SPA17: variants seen among roughly 807,000 people sequenced by gnomAD.
The protein encoded by SPA17 is sperm surface protein Sp17.
SPA17 carries 7 observed loss-of-function variants against 13.8 expected under a neutral mutation model. The ratio of observed to expected loss-of-function variants is 0.51; its 90% CI spans 0.29 to 0.95. SPA17 has a LOEUF of 0.95. SPA17 is among the 40% of genes least tolerant of loss of function. SPA17 has a pLI of 0.08. For synonymous variants in SPA17, 61 were observed against 59.0 expected, an observed-to-expected ratio of 1.03 and a Z score of -0.16; for missense variants, 170 against 179.3, an observed-to-expected ratio of 0.95 and a Z score of 0.30.
chr11:124,681,422 AGGTAGAAGACC>A lies in SPA17; in HGVS notation c.190_200del (p.Val64LeufsTer3). On this transcript the variant is annotated frameshift_variant, in exon 3 of 5. Transcript: ENST00000227135. LOFTEE classifies it high-confidence loss of function. ...TTTGATCCAGCAGAATGGGGGAGTA[AGGTAGAAGACC>A]GCTTCTATAACAATCATGCATTCGA... 6.3e-7 allele frequency: 1 copy of A among 1,581,952 alleles called. No homozygotes were observed. The highest frequency in any genetic ancestry group is 8.6e-7 in the Non-Finnish European group (1 of 1,161,534).
In SPA17 at chr11:124,695,917, A is replaced by C. The variant is rs1378697503; in HGVS notation, c.*1471A>C. 6.6e-6 allele frequency: 1 copy of C among 152,334 alleles called. No homozygotes were observed. The highest frequency in any genetic ancestry group is 1.9e-4 in the East Asian group (1 of 5,184). The allele number at this position is 152,334 out of a possible 1,614,324, so 9.4% of individuals were successfully genotyped here. On this transcript the variant is annotated 3_prime_UTR_variant, in exon 5 of 5. Transcript: ENST00000227135. The stretch of plus-strand genomic sequence containing the variant: ...CATGCTCTTTCTGCAAAGCAGTTTT[A>C]TTTCAGGTGCCTCACTGCCCTTCCC...
At chr11:124,678,965 T>C (rs1166366690) in intron 2 of SPA17, among the ~76,000 whole-genome samples, 2 of 152,124 alleles carry the variant, frequency 1.3e-5, no homozygotes, top group Admixed American at 6.6e-5. Context: ...AGAAAATATC[T>C]TGAATTTCGA....
chr11:124,693,268 T>C (rs1359171141), intron 4 of SPA17, among the ~76,000 whole-genome samples: 1 of 152,120 alleles, frequency 6.6e-6, no homozygotes, highest in South Asian at 2.1e-4. Flanking sequence ...AATAGGGGGA[T>C]AGGAGGCTTG....
rs779112453 is a variant in SPA17, at chr11:124,694,337, T to G, written c.347T>G (p.Val116Gly). 6.2e-7 allele frequency: 1 copy of G among 1,613,948 alleles called. No individual in the cohort carries two copies. The highest frequency in any genetic ancestry group is 8.5e-7 in the Non-Finnish European group (1 of 1,179,950). Residue 116 changes from valine to glycine, a missense_variant, in exon 5 of 5, where the codon GTT (valine) becomes GGT (glycine). By Grantham distance (109) the Val-to-Gly change is moderately radical. Transcript: ENST00000227135. The stretch of plus-strand genomic sequence containing the variant: ...GAGGAAGATAAGGAAAAAGAAGAGG[T>G]TGCTGCTGTCAAAATCCAAGCTGCC... ...SSEEDKEKEE[V>G]AAVKIQAAFR...
chr11:124,682,607 C>T (rs1173307020), intron 3 of SPA17, among the ~76,000 whole-genome samples: 1 of 151,894 alleles, frequency 6.6e-6, no homozygotes, highest in African/African-American at 2.4e-5. Context: ...ATATAAAATA[C>T]ATTCAAAAGA....
chr11:124,674,660 C>G (rs571704045), intron 1 of SPA17: 1 of 152,274 alleles, frequency 6.6e-6, no homozygotes, highest in East Asian at 1.9e-4. Flanking sequence ...AAAATCATGA[C>G]ACACAGCCCC....
At chr11:124,674,144 C>T (rs1943424204) in intron 1 of SPA17, 192 bp downstream of exon 1, 1 of 201,108 alleles carries the variant, frequency 5.0e-6, no homozygotes, top group African/African-American at 2.3e-5. Context: ...TCTGCCCCCT[C>T]CGCCCGCCCT....
intron 1 of SPA17, chr11:124,674,878 T>C (rs1338266697): frequency 6.5e-6 from 1 of 152,758 alleles, no homozygotes; most frequent in African/African-American, 2.5e-5. Context: ...TTCTCAGCAA[T>C]TGACAATGAA....
At chr11:124,684,895 A>G (rs575074573) in intron 3 of SPA17, among the ~76,000 whole-genome samples, 2 of 152,330 alleles carry the variant, frequency 1.3e-5, no homozygotes, top group Admixed American at 6.5e-5. Context: ...ACTTGAGAGA[A>G]ATAATTTACA....
intron 3 of SPA17, among the ~76,000 whole-genome samples, chr11:124,688,280 C>T (rs181755736): frequency 9.2e-5 from 14 of 152,220 alleles, no homozygotes; most frequent in Admixed American, 2.0e-4. Context: ...CCCAAAGTGC[C>T]GGGATTACAG....
At position 124,695,343 on chromosome 11, in the gene SPA17, C is replaced by T. The variant is rs1423440683; in HGVS notation, c.*897C>T. ...AACATCATATTGTAAAAAGCAAAAG[C>T]TATCATATCATGCTGCCTTCTTCAG... is the stretch of plus-strand genomic sequence containing the variant. On this transcript the variant is annotated 3_prime_UTR_variant, in exon 5 of 5. Transcript: ENST00000227135. The T allele has an allele frequency of 6.6e-6, 1 of 152,196 alleles. No individual in the cohort carries two copies. The highest frequency in any genetic ancestry group is 1.5e-5 in the Non-Finnish European group (1 of 68,026). The allele number at this position is 152,196 out of a possible 1,614,324, so 9.4% of individuals were successfully genotyped here. A position where few individuals can be genotyped will look rare whatever the true frequency, so the allele number is the denominator to read the frequency against.
Position 124,695,158 on chromosome 11 carries a change from A to C in SPA17, c.*712A>C, listed in dbSNP as rs1394703620. 3 of 152,356 alleles carry C rather than the reference A, an allele frequency of 2.0e-5. No homozygotes were observed. The highest frequency in any genetic ancestry group is 7.2e-5 in the African/African-American group (3 of 41,432). The allele number at this position is 152,356 out of a possible 1,614,324, so 9.4% of individuals were successfully genotyped here. ...CTCTGCCTCCTTGTAAGTTTAACCC[A>C]CTGGTTTTCATTTATCATACATGTA... is the stretch of plus-strand genomic sequence containing the variant. On this transcript the variant is annotated 3_prime_UTR_variant, in exon 5 of 5. Transcript: ENST00000227135.
chr11:124,693,268 TAGG>T (rs1173673648), intron 4 of SPA17, among the ~76,000 whole-genome samples: 3 of 152,120 alleles, frequency 2.0e-5, no homozygotes, highest in Admixed American at 6.6e-5. Flanking sequence ...AATAGGGGGA[TAGG>T]AGGCTTGAGC....
intron 2 of SPA17, among the ~76,000 whole-genome samples, chr11:124,680,664 G>C (rs952235715): frequency 6.6e-6 from 1 of 152,086 alleles, no homozygotes; most frequent in African/African-American, 2.4e-5. Context: ...GATAATGGTG[G>C]TGTGGTTATA....
chr11:124,688,504 C>T (rs1272984887), intron 3 of SPA17, among the ~76,000 whole-genome samples: 1 of 152,078 alleles, frequency 6.6e-6, no homozygotes, highest in Non-Finnish European at 1.5e-5. Flanking sequence ...CTTTAAAAAA[C>T]ACATAGGAGT....
chr11:124,687,732 A>G (rs904437601), intron 3 of SPA17, among the ~76,000 whole-genome samples: 1 of 152,230 alleles, frequency 6.6e-6, no homozygotes, highest in South Asian at 2.1e-4. Flanking sequence ...ATAAAATCCA[A>G]CATCCCTTCA....
chr11:124,675,109 G>T, intron 1 of SPA17, 129 bp from the exon 2 acceptor site: 1 of 867,652 alleles, frequency 1.2e-6, no homozygotes, highest in Non-Finnish European at 1.7e-6. Flanking sequence ...GGATGGGCTT[G>T]GGTTGTGTTA....
intron 2 of SPA17, chr11:124,676,434 G>A (rs767989076): frequency 6.6e-6 from 1 of 152,216 alleles, no homozygotes; most frequent in Admixed American, 6.5e-5. Flanking sequence ...ATAGGCACAA[G>A]CAAACAAACA....
At chr11:124,674,790 T>C (rs1455134825) in intron 1 of SPA17, 1 of 154,046 alleles carries the variant, frequency 6.5e-6, no homozygotes, top group Non-Finnish European at 1.4e-5. Flanking sequence ...ATTGTGCAAC[T>C]TCTTCATTCA....
Sources: allele counts gnomAD v4.1 joint callset (sites outside exome capture counted in the v4.1 genomes callset), GRCh38; gene constraint gnomAD v4.1.1; transcripts MANE v1.5; gene names NCBI Gene and HGNC (gene_info 2026-07-23, HGNC 2026-07-21).